Variants in ZNF892 observed in about 807,000 individuals in gnomAD.
ZNF892 encodes the protein zinc finger protein 570-like.
At chr2:95,252,714 T>C in the ZNF892 span, among the ~76,000 whole-genome samples, 1 of 152,196 alleles carries the variant, frequency 6.6e-6, no homozygotes, top group African/African-American at 2.4e-5. Context: ...AGTGTGAAAG[T>C]GTTCCTATTT....
At chr2:95,243,100 C>T in the ZNF892 span, among the ~76,000 whole-genome samples, 1 of 152,224 alleles carries the variant, frequency 6.6e-6, no homozygotes, top group Non-Finnish European at 1.5e-5. Flanking sequence ...GATCCGCCAG[C>T]CTCGGCCTCC....
At chr2:95,209,202 G>A in the ZNF892 span, among the ~76,000 whole-genome samples, 1 of 152,122 alleles carries the variant, frequency 6.6e-6, no homozygotes, top group Non-Finnish European at 1.5e-5. Flanking sequence ...GAGAGAGTGG[G>A]TAGTTGGAGG....
chr2:95,250,791 A>G, the ZNF892 span, among the ~76,000 whole-genome samples: 1 of 145,750 alleles, frequency 6.9e-6, no homozygotes, highest in African/African-American at 2.5e-5. Flanking sequence ...ATTTATAAAT[A>G]TAAAATATTC....
At chr2:95,218,791 A>G in the ZNF892 span, among the ~76,000 whole-genome samples, 3 of 152,180 alleles carry the variant, frequency 2.0e-5, no homozygotes, top group East Asian at 5.8e-4. Context: ...TTGCCCTCTC[A>G]CTGTGTTCTC....
chr2:95,231,432 C>T, the ZNF892 span, among the ~76,000 whole-genome samples: 2 of 152,162 alleles, frequency 1.3e-5, no homozygotes, highest in Non-Finnish European at 2.9e-5. Context: ...CTTTCTAGGG[C>T]GATGACATTC....
At chr2:95,239,590 A>C in the ZNF892 span, among the ~76,000 whole-genome samples, 1 of 152,120 alleles carries the variant, frequency 6.6e-6, no homozygotes, top group Non-Finnish European at 1.5e-5. Context: ...CTCCACCAGC[A>C]AAAAGATAGT....
chr2:95,256,837 T>C, the ZNF892 span, among the ~76,000 whole-genome samples: 5 of 152,358 alleles, frequency 3.3e-5, no homozygotes, highest in South Asian at 2.1e-4. Flanking sequence ...CTTCCATCAC[T>C]GATACCCTTT....
the ZNF892 span, chr2:95,214,704 A>G: frequency 2.4e-6 from 1 of 414,342 alleles, no homozygotes. Flanking sequence ...TTGGAAATGC[A>G]ATGAATGCGA....
chr2:95,223,823 A>T, the ZNF892 span, among the ~76,000 whole-genome samples: 2 of 152,242 alleles, frequency 1.3e-5, no homozygotes, highest in Non-Finnish European at 2.9e-5. Flanking sequence ...CCTCTAAAAT[A>T]AAACTTTTAG....
At chr2:95,221,211 A>C in the ZNF892 span, among the ~76,000 whole-genome samples, 1 of 152,252 alleles carries the variant, frequency 6.6e-6, no homozygotes, top group Non-Finnish European at 1.5e-5. Context: ...GGTATTATTC[A>C]TATAGTCATT....
chr2:95,238,495 T>C, the ZNF892 span, among the ~76,000 whole-genome samples: 1 of 152,218 alleles, frequency 6.6e-6, no homozygotes, highest in Admixed American at 6.5e-5. Context: ...AGGAGATTAA[T>C]ATTTTCATGC....
the ZNF892 span, among the ~76,000 whole-genome samples, chr2:95,254,693 T>C: frequency 6.6e-6 from 1 of 152,196 alleles, no homozygotes; most frequent in African/African-American, 2.4e-5. Context: ...AGAATTCGGC[T>C]GTGAATCCAT....
the ZNF892 span, among the ~76,000 whole-genome samples, chr2:95,230,700 G>GT: frequency 5.9e-5 from 9 of 152,100 alleles, no homozygotes; most frequent in Non-Finnish European, 1.0e-4. Flanking sequence ...GGCTCACTTT[G>GT]TTCTTTCCTT....
the ZNF892 span, among the ~76,000 whole-genome samples, chr2:95,263,330 C>A: frequency 6.6e-6 from 1 of 152,184 alleles, no homozygotes; most frequent in African/African-American, 2.4e-5. Flanking sequence ...CAACCCACAC[C>A]TTGATTTTAG....
chr2:95,245,413 AT>A, the ZNF892 span, among the ~76,000 whole-genome samples: 1 of 87,622 alleles, frequency 1.1e-5, no homozygotes. Context: ...CACCCGGCTA[AT>A]TTTTTGTATT....
chr2:95,244,508 T>C, the ZNF892 span, among the ~76,000 whole-genome samples: 3 of 152,152 alleles, frequency 2.0e-5, no homozygotes, highest in Non-Finnish European at 4.4e-5. Flanking sequence ...TATAAATATA[T>C]ATTCCTAATA....
the ZNF892 span, among the ~76,000 whole-genome samples, chr2:95,242,205 G>A: frequency 6.6e-6 from 1 of 152,108 alleles, no homozygotes; most frequent in Non-Finnish European, 1.5e-5. Context: ...ATTCTCCAAG[G>A]TCAAAGTGAA....
the ZNF892 span, among the ~76,000 whole-genome samples, chr2:95,246,860 C>T: frequency 6.6e-6 from 1 of 152,030 alleles, no homozygotes; most frequent in Admixed American, 6.6e-5. Context: ...TTAGAGAGGA[C>T]ACAGACAAAT....
At chr2:95,210,755 C>T in the ZNF892 span, among the ~76,000 whole-genome samples, 5 of 152,184 alleles carry the variant, frequency 3.3e-5, no homozygotes, top group Admixed American at 3.3e-4. Flanking sequence ...GACCTGGCCT[C>T]TGCTCCTGTG....
Sources: allele counts gnomAD v4.1 joint callset (sites outside exome capture counted in the v4.1 genomes callset), GRCh38; gene constraint gnomAD v4.1.1; transcripts MANE v1.5; gene names NCBI Gene and HGNC (gene_info 2026-07-23, HGNC 2026-07-21).